The following CEP128 variants were observed in gnomAD, a reference collection of about 807,000 sequenced individuals.
The protein encoded by CEP128 is centrosomal protein 128.
Under a neutral mutation model 156.7 loss-of-function variants are expected in CEP128, and 132 were observed. The observed-to-expected ratio is 0.84, with a 90% CI of 0.73 to 0.97. The LOEUF is 0.97. Among genes scored for constraint, CEP128 ranks in the 50% least tolerant of loss-of-function variants. CEP128 has a pLI of 0.00. For missense variants in CEP128, 1,252 were observed against 1,281.9 expected, an observed-to-expected ratio of 0.98 and a Z score of 0.36; for synonymous variants, 469 against 448.9, an observed-to-expected ratio of 1.04 and a Z score of -0.57.
chr14:80,549,019 A>T (rs1890102283), intron 21 of CEP128, among the ~76,000 whole-genome samples: 1 of 152,202 alleles, frequency 6.6e-6, no homozygotes, highest in Non-Finnish European at 1.5e-5. Flanking sequence ...ACATTTGACC[A>T]TAAACAGTCA....
chr14:80,953,874 T>A (rs1444755092), intron 2 of CEP128, among the ~76,000 whole-genome samples: 1 of 152,200 alleles, frequency 6.6e-6, no homozygotes, highest in Non-Finnish European at 1.5e-5. Flanking sequence ...TTAATATGAA[T>A]AATTACATAT....
chr14:80,902,262 G>C (rs1883616130), intron 6 of CEP128, among the ~76,000 whole-genome samples: 1 of 152,152 alleles, frequency 6.6e-6, no homozygotes, highest in Non-Finnish European at 1.5e-5. Flanking sequence ...CTGTTTCCAA[G>C]TGTAAGCATT....
intron 8 of CEP128, among the ~76,000 whole-genome samples, chr14:80,866,391 A>G (rs1466741634): frequency 6.6e-6 from 1 of 152,122 alleles, no homozygotes; most frequent in East Asian, 1.9e-4. Flanking sequence ...GCCCCAGAGG[A>G]GCCAGGATCC....
At position 80,761,534 on chromosome 14, in the gene CEP128, C is replaced by T. The variant is rs528953617; in HGVS notation, c.2456G>A (p.Cys819Tyr). Residue 819 changes from cysteine (C) to tyrosine (Y), a missense_variant, in exon 17 of 25, where the codon TGC becomes TAC. Coordinates refer to ENST00000555265, the MANE Select transcript of CEP128 (RefSeq NM_152446.5). ...ARLQLKDQLL[C>Y]LETEQESILG... Reference sequence around the variant, plus strand: ...AATGGATTCCTGTTCAGTCTCCAAGCAAAGAAGTTGATCCTTGAGCTGCAA... The same window carrying T: ...AATGGATTCCTGTTCAGTCTCCAAGTAAAGAAGTTGATCCTTGAGCTGCAA... The T allele has an allele frequency of 6.2e-7, 1 of 1,612,902 alleles. No homozygotes were observed. Among genetic ancestry groups the T allele is most frequent in the South Asian group, 1.1e-5 (1 of 90,932 alleles).
At chr14:80,950,191 C>A (rs547300655) in intron 2 of CEP128, among the ~76,000 whole-genome samples, 1 of 152,084 alleles carries the variant, frequency 6.6e-6, no homozygotes, top group Admixed American at 6.5e-5. Flanking sequence ...GGATTCCCAG[C>A]GACCACTAGA....
At chr14:80,727,614 T>C (rs559943519) in intron 19 of CEP128, among the ~76,000 whole-genome samples, 1 of 152,184 alleles carries the variant, frequency 6.6e-6, no homozygotes, top group East Asian at 1.9e-4. Context: ...AAAATATTTG[T>C]AAATTATGCA....
chr14:80,862,962 T>C lies in CEP128; in HGVS notation c.646-89A>G, dbSNP rs570462514. ...GAAGATAGTTTTATAGCAGATACAC[T>C]ACTGCTTAAAGCATTTAAGATTGTT... On this transcript the variant is annotated intron_variant, in intron 8 of 24. Transcript: ENST00000555265. The C allele has an allele frequency of 9.4e-5, 80 of 852,632 alleles. 1 individual carries two copies. The East Asian group carries it at 1.7e-3, about 19-fold the overall frequency. The allele number at this position is 852,632 out of a possible 1,614,324, so 52.8% of individuals were successfully genotyped here.
At chr14:80,482,612 C>T (rs748148724) in intron 14 of CEP128, among the ~76,000 whole-genome samples, 7 of 152,162 alleles carry the variant, frequency 4.6e-5, no homozygotes, top group Non-Finnish European at 8.8e-5. Flanking sequence ...AGCGACAAGA[C>T]ACATGAAAAG....
At chr14:80,827,973 C>G (rs1885570051) in intron 13 of CEP128, among the ~76,000 whole-genome samples, 1 of 152,064 alleles carries the variant, frequency 6.6e-6, no homozygotes, top group South Asian at 2.1e-4. Context: ...ACAGAAAACT[C>G]AAGTTTCCAG....
intron 9 of CEP128, among the ~76,000 whole-genome samples, chr14:80,848,883 C>T (rs1361097727): frequency 6.6e-6 from 1 of 151,714 alleles, no homozygotes; most frequent in Admixed American, 6.6e-5. Flanking sequence ...CATCATGCCA[C>T]TGCACTCTAG....
At chr14:80,769,998 G>A (rs770666685) in intron 16 of CEP128, among the ~76,000 whole-genome samples, 5 of 152,076 alleles carry the variant, frequency 3.3e-5, no homozygotes, top group Non-Finnish European at 5.9e-5. Flanking sequence ...CCATTATTTA[G>A]CCTGATACCC....
intron 1 of CEP128, chr14:80,959,410 T>C (rs140735002): frequency 4.6e-5 from 7 of 152,346 alleles, no homozygotes; most frequent in African/African-American, 1.7e-4. Context: ...GATAACAAGA[T>C]TGACCCATCA....
intron 1 of CEP128, among the ~76,000 whole-genome samples, chr14:80,940,351 T>G (rs1428045879): frequency 6.6e-6 from 1 of 152,082 alleles, no homozygotes; most frequent in African/African-American, 2.4e-5. Context: ...ACAACCAAAT[T>G]TATGTGTGCC....
chr14:80,706,163 T>C (rs1897235187), intron 19 of CEP128, among the ~76,000 whole-genome samples: 2 of 151,748 alleles, frequency 1.3e-5, no homozygotes. Flanking sequence ...CTTTGGTTAC[T>C]ATAAGACAAA....
At chr14:80,814,566 G>T (rs1884742513) in intron 13 of CEP128, among the ~76,000 whole-genome samples, 1 of 152,052 alleles carries the variant, frequency 6.6e-6, no homozygotes, top group Non-Finnish European at 1.5e-5. Flanking sequence ...AAACAAAAAT[G>T]TATTTATTCC....
At chr14:80,688,387 C>A (rs1896599019) in intron 19 of CEP128, among the ~76,000 whole-genome samples, 1 of 152,070 alleles carries the variant, frequency 6.6e-6, no homozygotes, top group Non-Finnish European at 1.5e-5. Context: ...GCCTTGCCAA[C>A]AAGTATAAAG....
chr14:80,689,871 G>T (rs1158119208), intron 19 of CEP128, among the ~76,000 whole-genome samples: 1 of 151,870 alleles, frequency 6.6e-6, no homozygotes, highest in Admixed American at 6.6e-5. Context: ...ATAGATTATC[G>T]ATTAATTTTA....
intron 16 of CEP128, among the ~76,000 whole-genome samples, chr14:80,772,416 C>T (rs536870331): frequency 5.3e-5 from 8 of 152,248 alleles, no homozygotes; most frequent in Middle Eastern, 3.4e-3. Flanking sequence ...CATCTTCCCA[C>T]TCCATCCCCC....
downstream of CEP128, among the ~76,000 whole-genome samples, chr14:80,487,935 A>G (rs1320092481): frequency 6.6e-6 from 1 of 151,816 alleles, no homozygotes; most frequent in Non-Finnish European, 1.5e-5. Context: ...GAAAGATCCA[A>G]AATTGACACC....
Sources: gnomAD v4.1 joint callset for allele counts (sites outside exome capture counted in the v4.1 genomes callset) on GRCh38, gnomAD v4.1.1 for gene constraint, MANE v1.5 for transcripts, NCBI Gene and HGNC (gene_info 2026-07-23, HGNC 2026-07-21) for gene names.